MACROD2: variants seen among roughly 807,000 people sequenced by gnomAD.
MACROD2 encodes the protein ADP-ribose glycohydrolase MACROD2.
In MACROD2, 36 loss-of-function variants were observed where a neutral mutation model predicts 70.4. The ratio of observed to expected loss-of-function variants is 0.51; its 90% confidence interval spans 0.39 to 0.68. MACROD2 has a LOEUF of 0.68. MACROD2 is among the 30% of genes least tolerant of loss of function. The pLI is 0.00. For synonymous variants in MACROD2, 172 were observed against 178.8 expected (o/e 0.96, Z 0.30); for missense variants, 496 against 538.4 (o/e 0.92, Z 0.78).
chr20:14,981,593 C>T (rs1033957547), intron 5 of MACROD2, among the ~76,000 whole-genome samples: 1 of 151,818 alleles, frequency 6.6e-6, no homozygotes, highest in Non-Finnish European at 1.5e-5. Context: ...GCAGATCTTT[C>T]CTGTGTTGTT....
At chr20:16,013,176 CTA>C (rs1491528701) in intron 15 of MACROD2, among the ~76,000 whole-genome samples, 1 of 46,342 alleles carries the variant, frequency 2.2e-5, no homozygotes, top group Non-Finnish European at 4.7e-5. Context: ...AAGACTCTGT[CTA>C]AAAAAAAAAG....
chr20:13,995,863 C>CGGGGGGGGGGGGGGTTTGGGGGGGGGGG lies in MACROD2; in HGVS notation c.46+59_46+60insGGGGGGGGGTTTGGGGGGGGGGGGGGGG. 2.4e-6 allele frequency: 1 copy of CGGGGGGGGGGGGGGTTTGGGGGGGGGGG among 412,924 alleles called. No homozygotes were observed. The highest frequency in any genetic ancestry group is 4.6e-6 in the Non-Finnish European group (1 of 215,402). 25.6% of individuals were successfully genotyped at this position (412,924 alleles called of 1,614,324 possible). A position where few individuals can be genotyped will look rare whatever the true frequency, so the allele number is the denominator to read the frequency against. On this transcript the variant is annotated intron_variant, in intron 1 of 17. Transcript: ENST00000684519. This position sits in a 1 kb window ranked among gnomAD's most constrained non-coding sequence, Gnocchi z 4.3. ...CGGGCGGTGGGGGTTAGGGTGGGGG[C>CGGGGGGGGGGGGGGTTTGGGGGGGGGGG]GGGGGTCAGGCTGTGTGTGCCGCGG...
rs556277381 is a variant in MACROD2 at position 16,052,032 on chromosome 20, C to T, written c.*2156C>T. 1 of 152,310 alleles carries T rather than the reference C, an allele frequency of 6.6e-6. No individual in the cohort carries two copies. The highest frequency in any genetic ancestry group is 6.5e-5 in the Admixed American group (1 of 15,294). The allele number at this position is 152,310 out of a possible 1,614,324, so 9.4% of individuals were successfully genotyped here. A position where few individuals can be genotyped will look rare whatever the true frequency, so the allele number is the denominator to read the frequency against. On this transcript the variant is annotated 3_prime_UTR_variant, in exon 18 of 18. Coordinates refer to ENST00000684519, the MANE Select transcript of MACROD2 (RefSeq NM_001351661.2). ...GCTAGAAGTGGAAGGAGGGAATTCT[C>T]TCTGCCTAAAAATTCTAGAAGAATG...
chr20:14,181,193 C>G (rs535520972), intron 3 of MACROD2, among the ~76,000 whole-genome samples: 9 of 151,562 alleles, frequency 5.9e-5, no homozygotes, highest in Non-Finnish European at 1.2e-4. Context: ...CTCAGCCTCC[C>G]AAATAGATGA....
At chr20:15,469,653 C>T (rs954340393) in intron 7 of MACROD2, among the ~76,000 whole-genome samples, 3 of 152,120 alleles carry the variant, frequency 2.0e-5, no homozygotes, top group East Asian at 3.9e-4. Flanking sequence ...TGGGCCTGGG[C>T]GATGCCAGTG....
At chr20:15,609,797 G>A (rs2048941875) in intron 8 of MACROD2, among the ~76,000 whole-genome samples, 1 of 152,188 alleles carries the variant, frequency 6.6e-6, no homozygotes, top group African/African-American at 2.4e-5. Context: ...CAGTTGTAGT[G>A]TAAATTATAT....
At chr20:15,555,828 C>CAAA (rs397838341) in intron 8 of MACROD2, among the ~76,000 whole-genome samples, 258 of 18,222 alleles carry the variant, frequency 0.014, 4 homozygotes, top group African/African-American at 0.041. Context: ...GACTCCATCT[C>CAAA]AAAAAAAAAA....
chr20:14,806,200 C>T (rs1228190314), intron 5 of MACROD2, among the ~76,000 whole-genome samples: 1 of 152,084 alleles, frequency 6.6e-6, no homozygotes, highest in East Asian at 1.9e-4. Context: ...TCTGGAGCTC[C>T]CAGTGAGACC....
chr20:16,006,252 G>T (rs943315468), intron 15 of MACROD2, among the ~76,000 whole-genome samples: 1 of 152,138 alleles, frequency 6.6e-6, no homozygotes, highest in Admixed American at 6.5e-5. Flanking sequence ...TCATCATCGG[G>T]TCAGTTGGTT....
At chr20:14,352,461 T>C (rs1380542060) in intron 3 of MACROD2, 1 of 152,174 alleles carries the variant, frequency 6.6e-6, no homozygotes. Context: ...ATCTTTATGC[T>C]TATTATGTAT....
chr20:14,739,190 A>G (rs1337705004), intron 5 of MACROD2, among the ~76,000 whole-genome samples: 1 of 152,042 alleles, frequency 6.6e-6, no homozygotes, highest in African/African-American at 2.4e-5. Flanking sequence ...TTGCTCTCAT[A>G]ATTTTACTTC....
At chr20:15,070,282 C>T (rs1224469044) in intron 5 of MACROD2, among the ~76,000 whole-genome samples, 1 of 152,106 alleles carries the variant, frequency 6.6e-6, no homozygotes. Flanking sequence ...TTTGATTTTA[C>T]ACGTTCCTAG....
At chr20:15,161,275 T>C (rs939369832) in intron 5 of MACROD2, among the ~76,000 whole-genome samples, 1 of 151,840 alleles carries the variant, frequency 6.6e-6, no homozygotes, top group Non-Finnish European at 1.5e-5. Context: ...TTGGGAATGG[T>C]ACAAACTGGA....
At chr20:15,989,506 A>AT (rs1160445230) in intron 15 of MACROD2, among the ~76,000 whole-genome samples, 3 of 152,154 alleles carry the variant, frequency 2.0e-5, no homozygotes, top group African/African-American at 4.8e-5. Flanking sequence ...CATAACTTCT[A>AT]TTTTTTTAAA....
intron 5 of MACROD2, among the ~76,000 whole-genome samples, chr20:14,715,903 C>A (rs1238697766): frequency 1.3e-5 from 2 of 152,130 alleles, no homozygotes; most frequent in African/African-American, 4.8e-5. Flanking sequence ...GATAATTAAC[C>A]AATCAGGATG....
intron 6 of MACROD2, among the ~76,000 whole-genome samples, chr20:15,242,090 T>C (rs2077065094): frequency 6.6e-6 from 1 of 152,182 alleles, no homozygotes; most frequent in African/African-American, 2.4e-5. Context: ...TAATGAGATA[T>C]GTCAACATTA....
At chr20:14,402,805 G>T (rs904386441) in intron 3 of MACROD2, among the ~76,000 whole-genome samples, 2 of 152,158 alleles carry the variant, frequency 1.3e-5, no homozygotes, top group African/African-American at 2.4e-5. Context: ...GAGTCTTGGG[G>T]TATTCAGTTT....
At chr20:14,157,511 A>G (rs2055119646) in intron 3 of MACROD2, among the ~76,000 whole-genome samples, 2 of 152,010 alleles carry the variant, frequency 1.3e-5, no homozygotes, top group South Asian at 2.1e-4. Context: ...AACTAACTGT[A>G]TATTTGTACC....
At chr20:15,864,144 A>G (rs1216512969) in intron 9 of MACROD2, among the ~76,000 whole-genome samples, 1 of 151,880 alleles carries the variant, frequency 6.6e-6, no homozygotes, top group African/African-American at 2.4e-5. Context: ...TACAGAGTGG[A>G]AGCACATAAC....
Sources: allele counts gnomAD v4.1 joint callset (sites outside exome capture counted in the v4.1 genomes callset), GRCh38; gene constraint gnomAD v4.1.1; non-coding constraint Gnocchi (gnomAD v3.1); transcripts MANE v1.5; gene names NCBI Gene and HGNC (gene_info 2026-07-23, HGNC 2026-07-21).